The following NDP variants were observed in gnomAD, a reference collection of about 807,000 sequenced individuals.
NDP encodes the protein norrin.
NDP carries 2 observed loss-of-function variants against 8.4 expected under a neutral mutation model. That is an observed-to-expected ratio of 0.24 (90% CI 0.10 to 0.75). NDP has a LOEUF of 0.75. Ranked by LOEUF, NDP falls within the 30% of genes least tolerant of loss-of-function variation. The pLI, the probability that NDP is intolerant of heterozygous loss-of-function variation, is 0.73. For missense variants in NDP, 81 were observed against 110.1 expected, an observed-to-expected ratio of 0.74 and a Z score of 1.18; for synonymous variants, 55 against 45.6, an observed-to-expected ratio of 1.21 and a Z score of -0.83.
At chrX:43,959,238 C>A (rs1029726631) in intron 1 of NDP, among the ~76,000 whole-genome samples, 1 of 111,701 alleles carries the variant, frequency 9.0e-6, no homozygotes. Context: ...AGTTTCTCAG[C>A]AAGCTTTGGT....
chrX:43,955,366 C>CAGCT (rs2035786852), intron 2 of NDP, among the ~76,000 whole-genome samples: 2 of 111,984 alleles, frequency 1.8e-5, no homozygotes, highest in Non-Finnish European at 3.8e-5. Flanking sequence ...CTCAGGTAGA[C>CAGCT]AGCTCTATTT....
chrX:43,949,426 A>G lies in NDP; in HGVS notation c.*373T>C, dbSNP rs1214156346. 1 of 194,466 alleles carries G rather than the reference A, an allele frequency of 5.1e-6. No individual in the cohort carries two copies. The highest frequency in any genetic ancestry group is 9.4e-6 in the Non-Finnish European group (1 of 105,919). The allele number at this position is 194,466 out of a possible 1,213,427, so 16.0% of individuals were successfully genotyped here. A position where few individuals can be genotyped will look rare whatever the true frequency, so the allele number is the denominator to read the frequency against. ...GAAAAGCTGGGCTTTTCTACTTTCC[A>G]AAGTAAATTCTTCCCCAGCGTGCAC... On this transcript the variant is annotated 3_prime_UTR_variant, in exon 3 of 3. Transcript: ENST00000642620.
At chrX:43,951,299 C>A (rs1242246638) in intron 2 of NDP, among the ~76,000 whole-genome samples, 2 of 109,909 alleles carry the variant, frequency 1.8e-5, no homozygotes, top group African/African-American at 6.6e-5. Context: ...CCTGTAGTCC[C>A]AGCTACTTTG....
intron 1 of NDP, among the ~76,000 whole-genome samples, chrX:43,961,435 A>G (rs968338608): frequency 1.8e-5 from 2 of 112,475 alleles, no homozygotes; most frequent in Admixed American, 9.4e-5. Flanking sequence ...TCACACAACA[A>G]TATACTAACC....
At chrX:43,965,586 A>C (rs1267009223) in intron 1 of NDP, among the ~76,000 whole-genome samples, 3 of 111,527 alleles carry the variant, frequency 2.7e-5, no homozygotes, top group Admixed American at 9.5e-5. Context: ...AATATTAATA[A>C]ATCATGCTAG....
intron 2 of NDP, among the ~76,000 whole-genome samples, chrX:43,950,458 C>CAAAAAAAAAA (rs11292831): frequency 1.7e-5 from 1 of 59,303 alleles, no homozygotes; most frequent in Non-Finnish European, 3.1e-5. Flanking sequence ...AAATGACTAC[C>CAAAAAAAAAA]AAAAAAAAAA....
chrX:43,971,291 G>A (rs2035889892), intron 1 of NDP, among the ~76,000 whole-genome samples: 1 of 112,177 alleles, frequency 8.9e-6, no homozygotes, highest in Admixed American at 9.4e-5. Flanking sequence ...GAGAATAATA[G>A]TACTTGAATT....
chrX:43,950,727 A>G (rs1446417093), intron 2 of NDP, among the ~76,000 whole-genome samples: 2 of 111,445 alleles, frequency 1.8e-5, no homozygotes, highest in Non-Finnish European at 1.9e-5. Context: ...ATTAGGATGT[A>G]CCCATTCTGA....
intron 1 of NDP, among the ~76,000 whole-genome samples, chrX:43,967,773 C>G (rs971721397): frequency 9.0e-6 from 1 of 110,817 alleles, no homozygotes; most frequent in Non-Finnish European, 1.9e-5. Context: ...GAAAGGCCAC[C>G]CTTGAGCATT....
At chrX:43,965,184 T>C (rs1043311639) in intron 1 of NDP, among the ~76,000 whole-genome samples, 2 of 111,555 alleles carry the variant, frequency 1.8e-5, no homozygotes, top group Non-Finnish European at 3.8e-5. Flanking sequence ...GAAGGCAGTG[T>C]TGGGAGGATC....
rs146460664 is a variant in NDP, at chrX:43,964,508, C to T, written c.-207-5656G>A. Reference sequence around the variant, plus strand: ...TTGAGCCTGACTGAAGCTTAAAATCCTGACTTTTTTTTTCAGGCATTGTCA... The same window carrying T: ...TTGAGCCTGACTGAAGCTTAAAATCTTGACTTTTTTTTTCAGGCATTGTCA... On this transcript the variant is annotated intron_variant, in intron 1 of 2. Transcript: ENST00000642620. 2.8e-3 allele frequency among the ~76,000 whole-genome samples: 309 copies of T among 110,904 alleles called. 1 individual carries two copies. Among genetic ancestry groups the T allele is most frequent in the African/African-American group, 9.6e-3 (293 of 30,463 alleles).
chrX:43,953,536 G>A (rs1270347781), intron 2 of NDP: 1 of 112,483 alleles, frequency 8.9e-6, no homozygotes, highest in Non-Finnish European at 1.9e-5. Flanking sequence ...TCAAGTTTGA[G>A]GGCTGTGCTC....
Position 43,958,522 on chromosome X carries a change from G to A in NDP, c.124C>T (p.His42Tyr). 5 of 1,210,611 alleles carry A rather than the reference G, an allele frequency of 4.1e-6. No individual in the cohort carries two copies. The Middle Eastern group carries it at 6.9e-4, about 167-fold the overall frequency. Residue 42 changes from histidine to tyrosine, a missense_variant, in exon 2 of 3, where the codon CAC (histidine) becomes TAC (tyrosine). Physicochemically the swap from His to Tyr is moderately conservative, Grantham distance 83. Coordinates refer to ENST00000642620, the MANE Select transcript of NDP (RefSeq NM_000266.4). ...TGACTGATAGAATCCACATAGTGGT[G>A]CCTCATGCAGCGTCGAGGGTCCGAG... ...MDSDPRRCMR[H>Y]HYVDSISHPL...
chrX:43,951,252 A>T (rs1311136753), intron 2 of NDP, among the ~76,000 whole-genome samples: 1 of 109,386 alleles, frequency 9.1e-6, no homozygotes, highest in Admixed American at 9.8e-5. Flanking sequence ...GTCTCTAAAA[A>T]AAAAAATAAA....
At position 43,948,951 on chromosome X, in the gene NDP, A is replaced by G. The variant is rs192078047; in HGVS notation, c.*848T>C. On this transcript the variant is annotated 3_prime_UTR_variant, in exon 3 of 3. Transcript: ENST00000642620. ...TGATGCCCGTGACACGGCTAAAGCT[A>G]TAGCACACCCACAAATAGATTCATA... The G allele has an allele frequency of 2.7e-5, 3 of 111,934 alleles. No homozygotes were observed. The highest frequency in any genetic ancestry group is 5.6e-4 in the East Asian group (2 of 3,543). The allele number at this position is 111,934 out of a possible 1,213,427, so 9.2% of individuals were successfully genotyped here.
chrX:43,973,003 A>G (rs2035900209), intron 1 of NDP, among the ~76,000 whole-genome samples: 2 of 112,655 alleles, frequency 1.8e-5, no homozygotes, highest in Non-Finnish European at 3.7e-5. Context: ...GGGGTCAACT[A>G]TAAGAACCAT....
intron 1 of NDP, among the ~76,000 whole-genome samples, chrX:43,972,530 C>T (rs1178914020): frequency 1.8e-5 from 2 of 111,564 alleles, no homozygotes; most frequent in Non-Finnish European, 3.8e-5. Flanking sequence ...TTCCCGGTCA[C>T]TCCTTGAACA....
At chrX:43,973,222 TTGTC>T (rs1404802409) in intron 1 of NDP, 78 bp downstream of exon 1, 3 of 112,145 alleles carry the variant, frequency 2.7e-5, no homozygotes, top group African/African-American at 9.7e-5. Context: ...GGTTGTCTCT[TTGTC>T]TGAGAGGAGG....
intron 1 of NDP, among the ~76,000 whole-genome samples, chrX:43,962,848 A>G (rs911179491): frequency 8.9e-6 from 1 of 111,876 alleles, no homozygotes; most frequent in Non-Finnish European, 1.9e-5. Context: ...AAATGATACC[A>G]GTGGAAAAGA....
Sources: allele counts gnomAD v4.1 joint callset (sites outside exome capture counted in the v4.1 genomes callset), GRCh38; gene constraint gnomAD v4.1.1; transcripts MANE v1.5; gene names NCBI Gene and HGNC (gene_info 2026-07-23, HGNC 2026-07-21).